The following CSMD1 variants were observed in gnomAD, a reference collection of about 807,000 sequenced individuals.
The protein encoded by CSMD1 is CUB and sushi domain-containing protein 1.
CSMD1 carries 213 observed loss-of-function variants against 417.5 expected under a neutral mutation model. That is an observed-to-expected ratio of 0.51 (90% CI 0.46 to 0.57). The LOEUF is 0.57. Ranked by LOEUF, CSMD1 falls within the 20% of genes least tolerant of loss-of-function variation. The pLI is 0.00. For synonymous variants in CSMD1, 2,862 were observed against 1,736.8 expected (o/e 1.65, Z -16.11); for missense variants, 6,923 against 4,529.7 (o/e 1.53, Z -15.17).
At chr8:3,089,769 C>G (rs937751394) in intron 48 of CSMD1, among the ~76,000 whole-genome samples, 4 of 152,146 alleles carry the variant, frequency 2.6e-5, no homozygotes, top group African/African-American at 9.7e-5. Flanking sequence ...TCTCTCTCCA[C>G]TTAAACAACA....
intron 1 of CSMD1, among the ~76,000 whole-genome samples, chr8:4,808,226 G>A (rs536825817): frequency 6.6e-6 from 1 of 152,200 alleles, no homozygotes; most frequent in Admixed American, 6.5e-5. Context: ...CAGCGGTATA[G>A]GGTTGCTGCA....
rs561223700 is a variant in CSMD1, at chr8:3,682,540, C to T, written c.1009+25874G>A. Among the ~76,000 whole-genome samples, 36 of 152,276 alleles carry T rather than the reference C, an allele frequency of 2.4e-4. No individual in the cohort carries two copies. In the South Asian group the frequency reaches 5.4e-3, roughly 23 times the overall value. On this transcript the variant is annotated intron_variant, in intron 7 of 69. Transcript: ENST00000635120. ...TGGCGATCATTAAAAAGTCAGGAAA[C>T]AACAGGTGCTGGAGAGGATGTGGAG...
intron 50 of CSMD1, among the ~76,000 whole-genome samples, chr8:3,050,116 A>T (rs956695012): frequency 6.6e-6 from 1 of 151,848 alleles, no homozygotes; most frequent in African/African-American, 2.4e-5. Flanking sequence ...AAAAAAAAAA[A>T]AAAAACTGAT....
chr8:4,548,137 G>T (rs1028077376), intron 2 of CSMD1, among the ~76,000 whole-genome samples: 1 of 151,818 alleles, frequency 6.6e-6, no homozygotes, highest in Non-Finnish European at 1.5e-5. Context: ...TACTGTTTTG[G>T]ATGGTACCGA....
chr8:3,471,576 C>T (rs940704896), intron 11 of CSMD1, among the ~76,000 whole-genome samples: 7 of 129,304 alleles, frequency 5.4e-5, no homozygotes, highest in Admixed American at 2.3e-4. Flanking sequence ...TTCCTTCTTC[C>T]TCTCTCCTTC....
At chr8:3,634,717 T>C (rs1796948384) in intron 7 of CSMD1, among the ~76,000 whole-genome samples, 1 of 152,184 alleles carries the variant, frequency 6.6e-6, no homozygotes, top group Admixed American at 6.5e-5. Flanking sequence ...TGCTGCCTAC[T>C]CAGCCTTTCT....
At chr8:3,926,714 C>CTTTTTTTTTTTT (rs56721822) in intron 5 of CSMD1, among the ~76,000 whole-genome samples, 1 of 103,494 alleles carries the variant, frequency 9.7e-6, no homozygotes, top group African/African-American at 4.0e-5. Flanking sequence ...AAATTGACAC[C>CTTTTTTTTTTTT]TTTTTTTTTT....
intron 55 of CSMD1, among the ~76,000 whole-genome samples, chr8:2,978,290 G>C (rs1805104544): frequency 6.6e-6 from 1 of 152,154 alleles, no homozygotes; most frequent in Non-Finnish European, 1.5e-5. Context: ...TGAGCTGTGT[G>C]GACCAGGCCT....
At chr8:4,546,368 T>A (rs1469718248) in intron 2 of CSMD1, among the ~76,000 whole-genome samples, 1 of 152,194 alleles carries the variant, frequency 6.6e-6, no homozygotes, top group Non-Finnish European at 1.5e-5. Context: ...GGTAAAAGAT[T>A]GCTTCTGAGT....
chr8:4,231,829 A>G (rs1467407557), intron 3 of CSMD1, among the ~76,000 whole-genome samples: 2 of 152,216 alleles, frequency 1.3e-5, no homozygotes, highest in African/African-American at 4.8e-5. Flanking sequence ...TAGGAAAAGC[A>G]CCCAGAATAT....
In CSMD1 at chr8:4,223,543, G is replaced by A. The variant is rs79975197; in HGVS notation, c.416-191444C>T. On this transcript the variant is annotated intron_variant, in intron 3 of 69. Transcript: ENST00000635120. ...CACCACTGCTCGTTAATAACCACCA[G>A]GAGAGCTGGCCTGCAAGGCAGGACC... Among the ~76,000 whole-genome samples, 1,487 of 152,354 alleles carry A rather than the reference G, an allele frequency of 9.8e-3. 18 individuals are homozygous for A. Among genetic ancestry groups the A allele is most frequent in the African/African-American group, 0.035 (1,437 of 41,580 alleles).
intron 4 of CSMD1, among the ~76,000 whole-genome samples, chr8:4,005,477 C>G (rs77481099): frequency 8.3e-4 from 126 of 152,266 alleles, no homozygotes; most frequent in African/African-American, 3.0e-3. Flanking sequence ...GACATGAACA[C>G]TGAATTATCT....
intron 10 of CSMD1, among the ~76,000 whole-genome samples, chr8:3,544,048 C>T (rs1798553571): frequency 6.6e-6 from 1 of 152,014 alleles, no homozygotes; most frequent in Non-Finnish European, 1.5e-5. Flanking sequence ...GTGAAGTGTC[C>T]AGTGCTAACC....
chr8:3,471,003 T>A (rs1186139312), intron 11 of CSMD1, among the ~76,000 whole-genome samples: 1 of 152,192 alleles, frequency 6.6e-6, no homozygotes, highest in East Asian at 1.9e-4. Flanking sequence ...GGTTTCTGTG[T>A]GAGCATAAAT....
At chr8:3,662,836 C>A (rs535855927) in intron 7 of CSMD1, among the ~76,000 whole-genome samples, 5 of 151,034 alleles carry the variant, frequency 3.3e-5, no homozygotes, top group Admixed American at 3.3e-4. Context: ...CAGGGCCTGT[C>A]GGTGGGTAGG....
intron 3 of CSMD1, among the ~76,000 whole-genome samples, chr8:4,097,979 G>C (rs1479818273): frequency 6.6e-6 from 1 of 152,136 alleles, no homozygotes; most frequent in Non-Finnish European, 1.5e-5. Flanking sequence ...TTTAGAATCT[G>C]TGGATCAGAT....
At chr8:2,955,857 A>G in intron 63 of CSMD1, 89 bp from the exon 64 acceptor site, 3 of 1,167,858 alleles carry the variant, frequency 2.6e-6, no homozygotes, top group Non-Finnish European at 3.7e-6. Flanking sequence ...AATAGTTTGG[A>G]AATGGTTATG....
intron 11 of CSMD1, among the ~76,000 whole-genome samples, chr8:3,482,553 A>G (rs745325165): frequency 2.0e-4 from 30 of 152,338 alleles, no homozygotes; most frequent in Admixed American, 5.2e-4. Context: ...GAAAAATAGC[A>G]ACCTCCACAA....
chr8:4,987,094 C>G (rs544076769), intron 1 of CSMD1, among the ~76,000 whole-genome samples: 2 of 152,082 alleles, frequency 1.3e-5, no homozygotes, highest in South Asian at 4.1e-4. Flanking sequence ...TACCTAGCAC[C>G]CAATGTGGCA....
Sources: gnomAD v4.1 joint callset for allele counts (sites outside exome capture counted in the v4.1 genomes callset) on GRCh38, gnomAD v4.1.1 for gene constraint, MANE v1.5 for transcripts, NCBI Gene and HGNC (gene_info 2026-07-23, HGNC 2026-07-21) for gene names.